GLIS3: variants seen among roughly 807,000 people sequenced by gnomAD.
GLIS3 encodes GLIS family zinc finger 3, also known as zinc finger protein GLIS3.
Under a neutral mutation model 78.6 loss-of-function variants are expected in GLIS3, and 53 were observed. The observed-to-expected ratio is 0.67, with a 90% confidence interval of 0.54 to 0.85. GLIS3 has a LOEUF of 0.85. Among genes scored for constraint, GLIS3 ranks in the 40% least tolerant of loss-of-function variants. The probability of loss-of-function intolerance (pLI) is 0.00; values close to 1 mark genes in which losing one functional copy is unlikely to be tolerated. For missense variants in GLIS3, 1,703 were observed against 1,231.1 expected (o/e 1.38, Z -5.74); for synonymous variants, 684 against 509.9 (o/e 1.34, Z -4.60).
At position 3,910,389 on chromosome 9, in the gene GLIS3, A is replaced by T. The variant is rs534713507; in HGVS notation, c.1984-11554T>A. ...TATTTTGAGACAGTCTTGTTCTGTC[A>T]CCCAGGATGGAGTGCTGTGGCACAA... On this transcript the variant is annotated intron_variant, in intron 6 of 10. Transcript: ENST00000381971. Among the ~76,000 whole-genome samples the T allele has an allele frequency of 3.9e-4, 59 of 152,232 alleles. 1 individual carries two copies. The highest frequency in any genetic ancestry group is 1.3e-3 in the African/African-American group (55 of 41,540).
intron 4 of GLIS3, among the ~76,000 whole-genome samples, chr9:3,990,325 C>T (rs1336256229): frequency 6.6e-6 from 1 of 152,164 alleles, no homozygotes; most frequent in East Asian, 1.9e-4. Flanking sequence ...AGCAAACATC[C>T]TATCAATCAA....
the GLIS3 span, among the ~76,000 whole-genome samples, chr9:4,389,255 A>C: frequency 1.3e-5 from 2 of 152,224 alleles, no homozygotes; most frequent in Non-Finnish European, 2.9e-5. Context: ...CTCAGGGCTA[A>C]TTTCGAAATC....
At chr9:4,388,573 G>C in the GLIS3 span, among the ~76,000 whole-genome samples, 1 of 152,148 alleles carries the variant, frequency 6.6e-6, no homozygotes, top group Non-Finnish European at 1.5e-5. Context: ...CTACGCAGGA[G>C]GCTGAGGCAG....
chr9:4,307,237 C>T (rs1412316041), intron 4 of GLIS3, among the ~76,000 whole-genome samples: 3 of 152,178 alleles, frequency 2.0e-5, no homozygotes, highest in Non-Finnish European at 2.9e-5. Flanking sequence ...TTAGCTGTAA[C>T]ACTCTATTGC....
intron 4 of GLIS3, among the ~76,000 whole-genome samples, chr9:4,105,509 T>C: frequency 6.6e-6 from 1 of 152,196 alleles, no homozygotes; most frequent in East Asian, 1.9e-4. Flanking sequence ...CAACTAAAAA[T>C]GCCTTTTATG....
At chr9:4,350,786 C>T (rs956836672), upstream of GLIS3, among the ~76,000 whole-genome samples, 3 of 145,954 alleles carry the variant, frequency 2.1e-5, no homozygotes, top group African/African-American at 7.6e-5. Context: ...TAAAAAACAT[C>T]AGGGTTTGTT....
intron 6 of GLIS3, among the ~76,000 whole-genome samples, chr9:3,931,742 A>C (rs1179148430): frequency 6.6e-6 from 1 of 152,190 alleles, no homozygotes; most frequent in Non-Finnish European, 1.5e-5. Flanking sequence ...ATTTCTTCCA[A>C]ATCTAAGATA....
At chr9:4,083,285 T>A (rs1387831604) in intron 4 of GLIS3, among the ~76,000 whole-genome samples, 3 of 152,156 alleles carry the variant, frequency 2.0e-5, no homozygotes, top group Non-Finnish European at 2.9e-5. Context: ...CATGTGCCAC[T>A]ACTCCTCATC....
intron 2 of GLIS3, among the ~76,000 whole-genome samples, chr9:4,325,492 C>A (rs1817585623): frequency 6.6e-6 from 1 of 152,220 alleles, no homozygotes; most frequent in Non-Finnish European, 1.5e-5. Context: ...GCCCACTTCC[C>A]TCAAAACCAT....
intron 3 of GLIS3, among the ~76,000 whole-genome samples, chr9:4,309,990 C>T (rs1361390271): frequency 6.6e-6 from 1 of 152,208 alleles, no homozygotes; most frequent in Non-Finnish European, 1.5e-5. Context: ...GAATCACTGT[C>T]TGAACGCAAA....
chr9:4,185,859 G>C (rs1272533707), intron 2 of GLIS3, among the ~76,000 whole-genome samples: 1 of 152,158 alleles, frequency 6.6e-6, no homozygotes, highest in Non-Finnish European at 1.5e-5. Context: ...AAGCTGGAGG[G>C]CAAGGCAGCC....
chr9:4,269,731 A>T (rs1826335550), intron 2 of GLIS3, among the ~76,000 whole-genome samples: 1 of 152,208 alleles, frequency 6.6e-6, no homozygotes, highest in South Asian at 2.1e-4. Context: ...TAAAATTATT[A>T]GTATTGGTAA....
chr9:4,255,687 A>C lies in GLIS3; in HGVS notation c.388+30351T>G, dbSNP rs151058072. On this transcript the variant is annotated intron_variant, in intron 2 of 10. Transcript: ENST00000381971. ...CAAAACTATAGAGAGTAAAAAGATC[A>C]GTGGTTGCCAAGAGCTAGGGGAAAG... Among the ~76,000 whole-genome samples the C allele has an allele frequency of 5.3e-3, 805 of 152,318 alleles. 9 individuals are homozygous for C. The highest frequency in any genetic ancestry group is 9.2e-3 in the Non-Finnish European group (625 of 68,034).
In GLIS3 at chr9:4,087,581, G is replaced by A. The variant is rs1829140652; in HGVS notation, c.1710+30187C>T. On this transcript the variant is annotated intron_variant, in intron 4 of 10. Coordinates refer to ENST00000381971, the MANE Select transcript of GLIS3 (RefSeq NM_001042413.2). ...ATATGGAGAAAAGCAAAAAGTACAG[G>A]ATGTGGGCTCTGGCCTCATAGAGCT... is the stretch of plus-strand genomic sequence containing the variant. Among the ~76,000 whole-genome samples, 5 of 152,242 alleles carry A rather than the reference G, an allele frequency of 3.3e-5. No homozygotes were observed. In the South Asian group the frequency reaches 1.0e-3, roughly 32 times the overall value.
chr9:3,862,756 C>G (rs1487334784), intron 8 of GLIS3, among the ~76,000 whole-genome samples: 1 of 152,114 alleles, frequency 6.6e-6, no homozygotes, highest in East Asian at 1.9e-4. Flanking sequence ...TTCTTTCCCT[C>G]CGCCCCCCGT....
At chr9:3,948,295 T>A (rs1816434070) in intron 4 of GLIS3, among the ~76,000 whole-genome samples, 1 of 152,220 alleles carries the variant, frequency 6.6e-6, no homozygotes. Context: ...AACTACTCTA[T>A]CCCATTTCTG....
chr9:4,031,335 T>A (rs1285249971), intron 4 of GLIS3, among the ~76,000 whole-genome samples: 2 of 152,224 alleles, frequency 1.3e-5, no homozygotes, highest in Non-Finnish European at 2.9e-5. Flanking sequence ...TGATACATAC[T>A]GCAATGTGGA....
intron 2 of GLIS3, among the ~76,000 whole-genome samples, chr9:4,238,024 A>G (rs1822935540): frequency 6.6e-6 from 1 of 152,208 alleles, no homozygotes; most frequent in Admixed American, 6.5e-5. Context: ...GGAATGTTCT[A>G]GACCAGAAAT....
intron 6 of GLIS3, among the ~76,000 whole-genome samples, chr9:3,909,784 T>C (rs1031332339): frequency 8.5e-5 from 13 of 152,164 alleles, no homozygotes; most frequent in Admixed American, 7.2e-4. Context: ...CCAAAAGCCT[T>C]TCCTGTCAAC....
Sources: gnomAD v4.1 joint callset for allele counts (sites outside exome capture counted in the v4.1 genomes callset) on GRCh38, gnomAD v4.1.1 for gene constraint, MANE v1.5 for transcripts, NCBI Gene and HGNC (gene_info 2026-07-23, HGNC 2026-07-21) for gene names.